The following PAPLN variants were observed in gnomAD, a reference collection of about 807,000 sequenced individuals.
The protein encoded by PAPLN is papilin, proteoglycan like sulfated glycoprotein.
A neutral mutation model predicts 159.0 loss-of-function variants in PAPLN; 146 were observed. That is an observed-to-expected ratio of 0.92 (90% CI 0.80 to 1.05). The LOEUF is 1.05. PAPLN is among the 50% of genes least tolerant of loss of function. The pLI, the probability that PAPLN is intolerant of heterozygous loss-of-function variation, is 0.00. For synonymous variants in PAPLN, 734 were observed against 702.9 expected (o/e 1.04, Z -0.70); for missense variants, 1,720 against 1,743.9 (o/e 0.99, Z 0.24).
At chr14:73,257,400 G>A (rs1886034621) in intron 14 of PAPLN, among the ~76,000 whole-genome samples, 1 of 59,196 alleles carries the variant, frequency 1.7e-5, no homozygotes, top group Non-Finnish European at 3.6e-5. Context: ...TTCACTATGG[G>A]CATTATTTCA....
In PAPLN at chr14:73,272,749, G is replaced by C; in HGVS notation, c.*85G>C. The C allele has an allele frequency of 7.4e-7, 1 of 1,354,210 alleles. No individual in the cohort carries two copies. 83.9% of individuals were successfully genotyped at this position (1,354,210 alleles called of 1,614,324 possible). On this transcript the variant is annotated 3_prime_UTR_variant, in exon 27 of 27. Coordinates refer to ENST00000644200, the MANE Select transcript of PAPLN (RefSeq NM_001365906.3). Reference sequence around the variant, plus strand: ...GATGGACTCTTGGCTTCCTCTCTCTGGCTGGCAAAGGGAGTTATCTTCTGG... The same window carrying C: ...GATGGACTCTTGGCTTCCTCTCTCTCGCTGGCAAAGGGAGTTATCTTCTGG...
Position 73,262,657 on chromosome 14 carries a change from C to A in PAPLN, c.2553C>A (p.Pro851=). 1 of 1,501,898 alleles carries A rather than the reference C, an allele frequency of 6.7e-7. No individual in the cohort carries two copies. The highest frequency in any genetic ancestry group is 2.4e-5 in the East Asian group (1 of 42,376). 93.0% of individuals were successfully genotyped at this position (1,501,898 alleles called of 1,614,324 possible). A position where few individuals can be genotyped will look rare whatever the true frequency, so the allele number is the denominator to read the frequency against. ...HRTGAAVQRK[P]WPSGGLWRQD... is the part of the protein sequence containing the mutation. ...CAGGGGCCGCGGTGCAGAGAAAGCC[C>A]TGGCCTTCTGGTGGTCTCTGGCGGC... The change falls in exon 19 of 27, where the codon CCC becomes CCA. Residue 851 remains proline (P), a synonymous_variant. Transcript: ENST00000644200.
At chr14:73,248,075 C>CTGTGTG (rs71112722) in intron 5 of PAPLN, among the ~76,000 whole-genome samples, 960 of 45,590 alleles carry the variant, frequency 0.021, 187 homozygotes, top group African/African-American at 0.11. Flanking sequence ...CTCATATCCT[C>CTGTGTG]TGTGTGTGTG....
intron 2 of PAPLN, among the ~76,000 whole-genome samples, chr14:73,241,018 G>C (rs951056189): frequency 6.6e-6 from 1 of 152,084 alleles, no homozygotes; most frequent in South Asian, 2.1e-4. Context: ...GAGGTCGGGG[G>C]GGGGATGCCA....
chr14:73,264,276 A>G lies in PAPLN; in HGVS notation c.2927A>G (p.Tyr976Cys). The stretch of plus-strand genomic sequence containing the variant: ...CTGCAGGCAGAGGACGCGGGCACCT[A>G]CAGCTGTGGCAGCACCCGGCCAGGC... ...HPLQAEDAGT[Y>C]SCGSTRPGRD... The change falls in exon 21 of 27, where the codon TAC (tyrosine) becomes TGC (cysteine). Residue 976 changes from tyrosine to cysteine, a missense_variant. Physicochemically the swap from Tyr to Cys is radical, Grantham distance 194 (BLOSUM62 -2). Transcript: ENST00000644200. 2 of 1,614,006 alleles carry G rather than the reference A, an allele frequency of 1.2e-6. No individual in the cohort carries two copies. The highest frequency in any genetic ancestry group is 1.7e-6 in the Non-Finnish European group (2 of 1,180,014).
chr14:73,246,627 CCTTTTT>C (rs1346314668), intron 5 of PAPLN, among the ~76,000 whole-genome samples: 1 of 145,652 alleles, frequency 6.9e-6, no homozygotes, highest in African/African-American at 2.5e-5. Context: ...TTTTTCTTTT[CCTTTTT>C]CTTTCTTTCT....
chr14:73,260,381 G>C (rs1363515150), intron 16 of PAPLN, among the ~76,000 whole-genome samples: 1 of 152,068 alleles, frequency 6.6e-6, no homozygotes, highest in African/African-American at 2.4e-5. Context: ...TGTAACCCCC[G>C]CTGTGAACTG....
chr14:73,274,396 A>C lies in PAPLN; in HGVS notation c.*1732A>C, dbSNP rs1344535102. On this transcript the variant is annotated 3_prime_UTR_variant, in exon 27 of 27. Transcript: ENST00000644200. ...GGAAAGACGGGCATTACAGGGACCAAAGCTCTGAAAGGTGACTTTTATTAC... is the reference window on the plus strand; with the variant it reads ...GGAAAGACGGGCATTACAGGGACCACAGCTCTGAAAGGTGACTTTTATTAC... 1 of 152,230 alleles carries C rather than the reference A, an allele frequency of 6.6e-6. No homozygotes were observed. Among genetic ancestry groups the C allele is most frequent in the African/African-American group, 2.4e-5 (1 of 41,464 alleles). The allele number at this position is 152,230 out of a possible 1,614,324, so 9.4% of individuals were successfully genotyped here. A position where few individuals can be genotyped will look rare whatever the true frequency, so the allele number is the denominator to read the frequency against.
intron 5 of PAPLN, among the ~76,000 whole-genome samples, chr14:73,246,644 T>G (rs938303226): frequency 7.3e-6 from 1 of 137,096 alleles, no homozygotes; most frequent in African/African-American, 2.6e-5. Context: ...CTTTCTTTCT[T>G]TTTTTTTTTT....
rs1305249166 is a variant in PAPLN, at chr14:73,263,766, C to G, written c.2845C>G (p.Pro949Ala). ...SQAAWQKDGQPISSDRHRLQF... is the reference protein window; with the variant it reads ...SQAAWQKDGQAISSDRHRLQF... Reference sequence around the variant, plus strand: ...GGCTGCCTGGCAGAAAGATGGCCAGCCCATCTCCTCTGACAGGTGGGTGAG... The same window carrying G: ...GGCTGCCTGGCAGAAAGATGGCCAGGCCATCTCCTCTGACAGGTGGGTGAG... The change falls in exon 20 of 27, where the codon CCC (proline) becomes GCC (alanine). Residue 949 changes from proline (P) to alanine (A), a missense_variant. Transcript: ENST00000644200. The G allele has an allele frequency of 3.1e-6, 5 of 1,604,332 alleles. No individual in the cohort carries two copies. The African/African-American group carries it at 6.7e-5, about 21-fold the overall frequency.
In PAPLN at chr14:73,245,224, T is replaced by C. The variant is rs1303240628; in HGVS notation, c.171-412T>C. ...TGAGGTGCCTCTGTCCCGGTTTGTA[T>C]AGGGGTTGTTCCTGAGAACCCTATG... On this transcript the variant is annotated intron_variant, in intron 3 of 26. Coordinates refer to ENST00000644200, the MANE Select transcript of PAPLN (RefSeq NM_001365906.3). This position sits in a 1 kb window ranked among gnomAD's most constrained non-coding sequence, Gnocchi z 4.2. 8.9e-6 allele frequency: 2 copies of C among 224,658 alleles called. No individual in the cohort carries two copies. The highest frequency in any genetic ancestry group is 4.6e-5 in the African/African-American group (2 of 43,248). 13.9% of individuals were successfully genotyped at this position (224,658 alleles called of 1,614,324 possible).
In PAPLN at chr14:73,263,721, G is replaced by T; in HGVS notation, c.2800G>T (p.Asp934Tyr). 6.2e-7 allele frequency: 1 copy of T among 1,611,850 alleles called. No homozygotes were observed. ...GQLVRLSCSD[D>Y]TAPESQAAWQ... ...GTTGGTGCGGCTCTCCTGCTCAGACGACACTGCCCCGGAATCCCAGGCTGC... is the reference window on the plus strand; with the variant it reads ...GTTGGTGCGGCTCTCCTGCTCAGACTACACTGCCCCGGAATCCCAGGCTGC... Residue 934 changes from aspartate to tyrosine, a missense_variant, in exon 20 of 27, where the codon GAC (aspartate) becomes TAC (tyrosine). Asp to Tyr is a radical substitution (Grantham distance 160). Coordinates refer to ENST00000644200, the MANE Select transcript of PAPLN (RefSeq NM_001365906.3).
At chr14:73,253,733 C>T (rs1282218391) in intron 11 of PAPLN, 21 bp from the exon 12 acceptor site, 3 of 1,577,046 alleles carry the variant, frequency 1.9e-6, no homozygotes, top group Non-Finnish European at 2.6e-6. Context: ...GCCAGCCTTA[C>T]CTGATTCCCC....
At chr14:73,269,481 G>A (rs1391080777) in intron 26 of PAPLN, among the ~76,000 whole-genome samples, 1 of 152,126 alleles carries the variant, frequency 6.6e-6, no homozygotes, top group Non-Finnish European at 1.5e-5. Context: ...CCAGTGAAAC[G>A]ACACAATTCT....
chr14:73,254,674 G>A lies in PAPLN; in HGVS notation c.1464G>A (p.Trp488Ter), dbSNP rs764018171. Residue 488 changes from tryptophan to a stop codon, truncating the protein, a stop_gained, in exon 13 of 27, where the codon TGG (tryptophan) becomes TGA (stop). Coordinates refer to ENST00000644200, the MANE Select transcript of PAPLN (RefSeq NM_001365906.3). LOFTEE classifies it high-confidence loss of function. ...EDCPLLSDQA[W>*]HVGTWGLCSK... ...GCCCCCTCCTCAGTGACCAGGCCTG[G>A]CATGTTGGCACCTGGGGTCTAGTGA... The A allele has an allele frequency of 1.9e-6, 3 of 1,613,854 alleles. No individual in the cohort carries two copies. The East Asian group carries it at 6.7e-5, about 36-fold the overall frequency.
chr14:73,249,813 G>C (rs1885032428), intron 5 of PAPLN, 171 bp from the exon 6 acceptor site: 1 of 581,492 alleles, frequency 1.7e-6, no homozygotes, highest in Non-Finnish European at 2.6e-6. Flanking sequence ...AGGTGCAACA[G>C]ATTCATGGAG....
intron 2 of PAPLN, chr14:73,242,997 T>G (rs1168338140): frequency 1.3e-5 from 2 of 152,354 alleles, no homozygotes; most frequent in South Asian, 2.1e-4. Context: ...AGCCTGCTTT[T>G]CTTTTCTTTT....
Position 73,245,595 on chromosome 14 carries a change from T to G in PAPLN, c.171-41T>G, listed in dbSNP as rs2242609. The G allele has an allele frequency of 0.14, 210,587 of 1,543,696 alleles. 17,855 individuals are homozygous for G. The highest frequency in any genetic ancestry group is 0.46 in the East Asian group (18,700 of 40,928). ...GAGCCCCAGAACGGGGGCAGGGACG[T>G]TGGGTCTCGGTCAGGTCTTCCCGGT... On this transcript the variant is annotated intron_variant, in intron 3 of 26. Coordinates refer to ENST00000644200, the MANE Select transcript of PAPLN (RefSeq NM_001365906.3). This position sits in a 1 kb window ranked among gnomAD's most constrained non-coding sequence, Gnocchi z 4.2.
At chr14:73,252,564 T>G in intron 10 of PAPLN, 85 bp from the exon 11 acceptor site, 2 of 1,510,366 alleles carry the variant, frequency 1.3e-6, no homozygotes, top group Non-Finnish European at 8.9e-7. Flanking sequence ...ACCTGTGGGG[T>G]GAGTGCAGGA....
Sources: gnomAD v4.1 joint callset for allele counts (sites outside exome capture counted in the v4.1 genomes callset) on GRCh38, gnomAD v4.1.1 for gene constraint, Gnocchi (gnomAD v3.1) non-coding constraint, MANE v1.5 for transcripts, NCBI Gene and HGNC (gene_info 2026-07-23, HGNC 2026-07-21) for gene names.